The following KLF7 variants were observed in gnomAD, a reference collection of about 807,000 sequenced individuals.
KLF7 encodes Krueppel-like factor 7.
In KLF7, 2 loss-of-function variants were observed where a neutral mutation model predicts 27.3. The observed-to-expected ratio is 0.07, with a 90% confidence interval of 0.03 to 0.23. The LOEUF (loss-of-function observed/expected upper bound fraction) is 0.23. Ranked by LOEUF, KLF7 falls within the 10% of genes least tolerant of loss-of-function variation. The pLI, the probability that KLF7 is intolerant of heterozygous loss-of-function variation, is 1.00. For synonymous variants in KLF7, 165 were observed against 162.4 expected, an observed-to-expected ratio of 1.02 and a Z score of -0.12; for missense variants, 221 against 394.1, an observed-to-expected ratio of 0.56 and a Z score of 3.72.
At chr2:207,114,899 C>T (rs569984936) in intron 2 of KLF7, among the ~76,000 whole-genome samples, 25 of 152,060 alleles carry the variant, frequency 1.6e-4, no homozygotes, top group Non-Finnish European at 2.8e-4. Flanking sequence ...GCAGACCCAA[C>T]AAAGTTGGGA....
chr2:207,102,534 T>C (rs1314755710), intron 2 of KLF7, among the ~76,000 whole-genome samples: 2 of 152,214 alleles, frequency 1.3e-5, no homozygotes, highest in African/African-American at 4.8e-5. Context: ...AAATTATGTT[T>C]CCATTCAGAA....
intron 1 of KLF7, among the ~76,000 whole-genome samples, chr2:207,146,173 T>C (rs1016699277): frequency 6.6e-6 from 1 of 152,240 alleles, no homozygotes; most frequent in Non-Finnish European, 1.5e-5. Flanking sequence ...AAGCCCTCTA[T>C]GCAGCCAGGG....
At chr2:207,140,695 A>T (rs1026824005) in intron 1 of KLF7, among the ~76,000 whole-genome samples, 1 of 152,204 alleles carries the variant, frequency 6.6e-6, no homozygotes, top group African/African-American at 2.4e-5. Flanking sequence ...CCTGCTCCCT[A>T]CATGGAGCCT....
Position 207,125,845 on chromosome 2 carries a change from A to G in KLF7, c.103-1441T>C, listed in dbSNP as rs1478429238. Among the ~76,000 whole-genome samples the G allele has an allele frequency of 6.6e-5, 10 of 152,370 alleles. No individual in the cohort carries two copies. The East Asian group carries it at 1.9e-3, about 29-fold the overall frequency. Reference sequence around the variant, plus strand: ...ATGTGGTAGATGGAGAAGATATAGCAGTAGGTCCACATGATGCAGGTATAG... The same window carrying G: ...ATGTGGTAGATGGAGAAGATATAGCGGTAGGTCCACATGATGCAGGTATAG... On this transcript the variant is annotated intron_variant, in intron 1 of 3. Transcript: ENST00000309446.
intron 2 of KLF7, among the ~76,000 whole-genome samples, chr2:207,104,608 T>A (rs1051475587): frequency 6.6e-6 from 1 of 152,174 alleles, no homozygotes; most frequent in Non-Finnish European, 1.5e-5. Context: ...AATGCTATTA[T>A]CCCTCCCCAT....
intron 2 of KLF7, among the ~76,000 whole-genome samples, chr2:207,091,478 C>A (rs900935769): frequency 1.3e-5 from 2 of 152,100 alleles, no homozygotes; most frequent in African/African-American, 4.8e-5. Context: ...CTCCTTTGTG[C>A]CCTGATATTT....
At chr2:207,139,306 T>C (rs1574542988) in intron 1 of KLF7, among the ~76,000 whole-genome samples, 1 of 152,208 alleles carries the variant, frequency 6.6e-6, no homozygotes, top group African/African-American at 2.4e-5. Flanking sequence ...TCGATACTTA[T>C]CTGGTAATCT....
intron 1 of KLF7, among the ~76,000 whole-genome samples, chr2:207,125,527 T>C (rs759326416): frequency 2.0e-5 from 3 of 152,240 alleles, no homozygotes; most frequent in Non-Finnish European, 2.9e-5. Flanking sequence ...ACTGATGTTC[T>C]GATTCTAGGC....
chr2:207,171,904 A>G (rs938244782), upstream of KLF7, among the ~76,000 whole-genome samples: 2 of 152,190 alleles, frequency 1.3e-5, no homozygotes, highest in Non-Finnish European at 2.9e-5. Context: ...GTATTTAACA[A>G]TATTTACGTT....
chr2:207,088,841 T>A (rs763449456), intron 2 of KLF7, among the ~76,000 whole-genome samples: 4 of 152,198 alleles, frequency 2.6e-5, no homozygotes, highest in Admixed American at 2.6e-4. Flanking sequence ...TCATTTTAGT[T>A]CCCAGAGTCA....
chr2:207,101,839 A>G (rs2076771765), intron 2 of KLF7, among the ~76,000 whole-genome samples: 1 of 152,154 alleles, frequency 6.6e-6, no homozygotes, highest in Non-Finnish European at 1.5e-5. Context: ...TTGTTTGAGT[A>G]AATTGTTTAC....
In KLF7 at chr2:207,083,120, G is replaced by T. The variant is rs73983159; in HGVS notation, c.858-1856C>A. On this transcript the variant is annotated intron_variant, in intron 3 of 3. Transcript: ENST00000309446. ...ATAATCCCTTAGCGATGCCTCTAAA[G>T]GGGGTTTGGTTTGCAATAAAACAGT... Among the ~76,000 whole-genome samples, 968 of 152,340 alleles carry T rather than the reference G, an allele frequency of 6.4e-3. 17 individuals carry two copies. The highest frequency in any genetic ancestry group is 0.022 in the African/African-American group (933 of 41,572).
chr2:207,114,917 A>G (rs1211564212), intron 2 of KLF7, among the ~76,000 whole-genome samples: 1 of 152,008 alleles, frequency 6.6e-6, no homozygotes, highest in Non-Finnish European at 1.5e-5. Context: ...GGATTAAAAC[A>G]TCTTTTTACA....
rs1402316898 is a variant in KLF7 at position 207,078,771 on chromosome 2, C to T, written c.*2442G>A. 6.6e-6 allele frequency: 1 copy of T among 152,202 alleles called. No individual in the cohort carries two copies. The highest frequency in any genetic ancestry group is 1.5e-5 in the Non-Finnish European group (1 of 68,038). 9.4% of individuals were successfully genotyped at this position (152,202 alleles called of 1,614,324 possible). ...TGAGGTTCAAGGTCCCTCACACATC[C>T]TTCATCCAGGAAGGATGCACCACAC... On this transcript the variant is annotated 3_prime_UTR_variant, in exon 4 of 4. Coordinates refer to ENST00000309446, the MANE Select transcript of KLF7 (RefSeq NM_003709.4).
chr2:207,126,257 G>C (rs2105996517), intron 1 of KLF7, among the ~76,000 whole-genome samples: 1 of 152,138 alleles, frequency 6.6e-6, no homozygotes, highest in East Asian at 1.9e-4. Flanking sequence ...CCTCAGTCTT[G>C]GCTCCATTCA....
chr2:207,126,716 T>C (rs1029695082), intron 1 of KLF7, among the ~76,000 whole-genome samples: 2 of 151,290 alleles, frequency 1.3e-5, no homozygotes, highest in African/African-American at 2.4e-5. Context: ...GGCGGGAGAA[T>C]CACTTAAGCC....
At chr2:207,166,685 T>TG (rs2078722330), upstream of KLF7, 1 of 522,578 alleles carries the variant, frequency 1.9e-6, no homozygotes, top group South Asian at 8.2e-5. Flanking sequence ...GGAAGGACAG[T>TG]GGCCACCCCG....
intron 1 of KLF7, among the ~76,000 whole-genome samples, chr2:207,144,160 G>C (rs1408770765): frequency 2.7e-4 from 13 of 48,722 alleles, no homozygotes; most frequent in Non-Finnish European, 4.0e-4. Flanking sequence ...TCGTCACAGC[G>C]GGGGGGAGAA....
intron 1 of KLF7, among the ~76,000 whole-genome samples, chr2:207,144,182 A>G (rs1391139630): frequency 6.6e-6 from 1 of 151,326 alleles, no homozygotes; most frequent in Non-Finnish European, 1.5e-5. Flanking sequence ...AAAAAAAAAA[A>G]GCATAGCTAG....
Sources: allele counts gnomAD v4.1 joint callset (sites outside exome capture counted in the v4.1 genomes callset), GRCh38; gene constraint gnomAD v4.1.1; transcripts MANE v1.5; gene names NCBI Gene and HGNC (gene_info 2026-07-23, HGNC 2026-07-21).